Variants in ASMTL observed in about 807,000 individuals in gnomAD.
ASMTL encodes acetylserotonin O-methyltransferase like, also known as probable bifunctional dTTP/UTP pyrophosphatase/methyltransferase protein.
ASMTL carries 57 observed loss-of-function variants against 60.3 expected under a neutral mutation model. The ratio of observed to expected loss-of-function variants is 0.95; its 90% CI spans 0.76 to 1.18. The LOEUF (loss-of-function observed/expected upper bound fraction) is 1.18. Ranked by LOEUF, ASMTL falls within the 50% of genes most tolerant of loss-of-function variation. The pLI, the probability that ASMTL is intolerant of heterozygous loss-of-function variation, is 0.00. For synonymous variants in ASMTL, 419 were observed against 373.0 expected (o/e 1.12, Z -1.42); for missense variants, 981 against 852.6 (o/e 1.15, Z -1.88).
At position 1,417,370 on chromosome X, in the gene ASMTL, C is replaced by T. The variant is rs1318122594; in HGVS notation, c.1522+603G>A. Among the ~76,000 whole-genome samples the T allele has an allele frequency of 1.1e-3, 164 of 150,976 alleles. 1 individual carries two copies. Among genetic ancestry groups the T allele is most frequent in the Non-Finnish European group, 4.1e-4 (28 of 67,860 alleles). ...ATGCACACACATCACCTCACAGAAA[C>T]ATATGCAACCACACACCACAGAGAC... On this transcript the variant is annotated intron_variant, in intron 11 of 12. Transcript: ENST00000381317.
chrX:1,404,723 T>A (rs1451410469), intron 12 of ASMTL, among the ~76,000 whole-genome samples: 2 of 147,942 alleles, frequency 1.4e-5, no homozygotes, highest in Non-Finnish European at 3.0e-5. Flanking sequence ...GATGCATGGA[T>A]GAGATGGATG....
In ASMTL at chrX:1,427,764, C is replaced by A. The variant is rs1446720378; in HGVS notation, c.867G>T (p.Leu289=). Residue 289 remains leucine (L), a synonymous_variant, in exon 7 of 13, where the codon CTG becomes CTT. Coordinates refer to ENST00000381317, the MANE Select transcript of ASMTL (RefSeq NM_004192.4). ...ATAGCATAAAGCCCTCAATCAGCTCCAGGAGGCGTGTCGGGAACGGAGGCA... is the reference window on the plus strand; with the variant it reads ...ATAGCATAAAGCCCTCAATCAGCTCAAGGAGGCGTGTCGGGAACGGAGGCA... The part of the protein sequence containing the change: ...ETLPPFPTRL[L]ELIEGFMLSK... 6 of 1,612,578 alleles carry A rather than the reference C, an allele frequency of 3.7e-6. No individual in the cohort carries two copies. The African/African-American group carries it at 8.0e-5, about 22-fold the overall frequency.
chrX:1,451,590 TGCA>T, intron 1 of ASMTL, among the ~76,000 whole-genome samples: 1 of 107,346 alleles, frequency 9.3e-6, no homozygotes, highest in South Asian at 3.7e-4. Flanking sequence ...GGTCACTCCC[TGCA>T]ACCCCATGCC....
intron 7 of ASMTL, among the ~76,000 whole-genome samples, chrX:1,427,143 G>C (rs2090634360): frequency 6.6e-6 from 1 of 152,126 alleles, no homozygotes. Context: ...CACAGACACA[G>C]AGGAGAAGGC....
At chrX:1,407,732 T>TA in intron 12 of ASMTL, among the ~76,000 whole-genome samples, 2 of 151,356 alleles carry the variant, frequency 1.3e-5, no homozygotes. Context: ...TTATTTTTTT[T>TA]AAAAAAGGAT....
At chrX:1,446,375 T>C (rs1431456456) in intron 1 of ASMTL, among the ~76,000 whole-genome samples, 2 of 152,002 alleles carry the variant, frequency 1.3e-5, no homozygotes. Context: ...GTGGTAGTGG[T>C]CCCCCGGGCC....
chrX:1,403,379 T>A lies in ASMTL; in HGVS notation c.1756A>T (p.Ser586Cys). 1 of 1,613,428 alleles carries A rather than the reference T, an allele frequency of 6.2e-7. No individual in the cohort carries two copies. Among genetic ancestry groups the A allele is most frequent in the African/African-American group, 1.3e-5 (1 of 75,032 alleles). The change falls in exon 13 of 13, where the codon AGC becomes TGC. Residue 586 changes from serine to cysteine, a missense_variant. Coordinates refer to ENST00000381317, the MANE Select transcript of ASMTL (RefSeq NM_004192.4). The part of the protein sequence containing the change: ...MLVQTEGKER[S>C]LGEYQCLLEL... ...AGCAAGCACTGATACTCGCCCAGGC[T>A]CCGCTCCTTGCCTTCAGTCTGCACC...
chrX:1,432,567 C>G (rs781692332), intron 5 of ASMTL, among the ~76,000 whole-genome samples, 190 bp from the exon 6 acceptor site: 18 of 152,202 alleles, frequency 1.2e-4, no homozygotes, highest in Admixed American at 9.2e-4. Flanking sequence ...CGGTGGCTCA[C>G]GCCTGTCATC....
intron 9 of ASMTL, 174 bp from the exon 10 acceptor site, chrX:1,419,288 G>C (rs1181179776): frequency 1.6e-5 from 4 of 254,024 alleles, no homozygotes; most frequent in Admixed American, 6.5e-5. Context: ...TTGTCTGTGT[G>C]GGGGCTGGGC....
chrX:1,426,896 T>C (rs4287111), intron 7 of ASMTL, among the ~76,000 whole-genome samples: 97,991 of 151,422 alleles, frequency 0.65, 32,596 homozygotes, highest in East Asian at 0.83. Context: ...GGCAGGAGAA[T>C]CGCTTGAACC....
chrX:1,452,136 C>A (rs2091409169), intron 1 of ASMTL, among the ~76,000 whole-genome samples: 1 of 148,798 alleles, frequency 6.7e-6, no homozygotes, highest in Non-Finnish European at 1.5e-5. Context: ...CTCCCCAACC[C>A]CATCCCTAGG....
intron 11 of ASMTL, among the ~76,000 whole-genome samples, chrX:1,414,817 T>C (rs1268476263): frequency 7.9e-5 from 12 of 152,158 alleles, no homozygotes; most frequent in Non-Finnish European, 1.5e-4. Context: ...TTTGTTTTTT[T>C]AAAAACGAGA....
At chrX:1,441,394 A>G (rs2091103425) in intron 2 of ASMTL, among the ~76,000 whole-genome samples, 1 of 152,076 alleles carries the variant, frequency 6.6e-6, no homozygotes, top group East Asian at 1.9e-4. Flanking sequence ...CTCCTGCCTC[A>G]GCCTCCTGAG....
chrX:1,404,598 AGAT>A (rs1263756840), intron 12 of ASMTL, among the ~76,000 whole-genome samples: 1 of 150,816 alleles, frequency 6.6e-6, no homozygotes, highest in African/African-American at 2.4e-5. Flanking sequence ...TATAGATGAT[AGAT>A]GATGGGTAGG....
chrX:1,408,295 C>T (rs1419085764), intron 12 of ASMTL, among the ~76,000 whole-genome samples: 3 of 45,876 alleles, frequency 6.5e-5, no homozygotes, highest in African/African-American at 1.5e-4. Flanking sequence ...CTGGTACTCC[C>T]AAATACTCGG....
intron 1 of ASMTL, among the ~76,000 whole-genome samples, chrX:1,443,670 A>G (rs73621899): frequency 0.16 from 7,225 of 44,934 alleles, 850 homozygotes; most frequent in African/African-American, 0.37. Flanking sequence ...CACCGCCATC[A>G]TGGACACACA....
intron 12 of ASMTL, 151 bp from the exon 13 acceptor site, chrX:1,403,640 G>A (rs1194668707): frequency 6.3e-5 from 42 of 661,744 alleles, no homozygotes; most frequent in Middle Eastern, 4.0e-4. Context: ...GGTAGGGGAG[G>A]GGAGAGAGAC....
chrX:1,406,486 G>C (rs1464871565), intron 12 of ASMTL, among the ~76,000 whole-genome samples: 1 of 151,566 alleles, frequency 6.6e-6, no homozygotes, highest in Admixed American at 6.6e-5. Flanking sequence ...TAGATGAGTG[G>C]ATGGATAGAT....
chrX:1,446,953 C>G (rs1436468500), intron 1 of ASMTL, among the ~76,000 whole-genome samples: 2 of 152,206 alleles, frequency 1.3e-5, no homozygotes, highest in Non-Finnish European at 2.9e-5. Context: ...ATTTTTCTGG[C>G]TACATGTCTC....
Sources: allele counts gnomAD v4.1 joint callset (sites outside exome capture counted in the v4.1 genomes callset), GRCh38; gene constraint gnomAD v4.1.1; transcripts MANE v1.5; gene names NCBI Gene and HGNC (gene_info 2026-07-23, HGNC 2026-07-21).